MORC4: variants seen among roughly 807,000 people sequenced by gnomAD.
The protein encoded by MORC4 is MORC family CW-type zinc finger protein 4.
In MORC4, 22 loss-of-function variants were observed where a neutral mutation model predicts 65.5. That is an observed-to-expected ratio of 0.34 (90% CI 0.24 to 0.48). The LOEUF (loss-of-function observed/expected upper bound fraction) is 0.48. Among genes scored for constraint, MORC4 ranks in the 20% least tolerant of loss-of-function variants. MORC4 has a pLI of 0.99. For missense variants in MORC4, 624 were observed against 703.0 expected (o/e 0.89, Z 1.27); for synonymous variants, 267 against 255.8 (o/e 1.04, Z -0.42).
chrX:106,945,414 TTGTGTGTG>T lies in MORC4; in HGVS notation c.1686-2217_1686-2210del, dbSNP rs35077497. 7.0e-3 allele frequency among the ~76,000 whole-genome samples: 580 copies of T among 83,248 alleles called. 3 individuals are homozygous for T. The highest frequency in any genetic ancestry group is 0.019 in the African/African-American group (428 of 23,091). 72.3% of individuals were successfully genotyped at this position (83,248 alleles called of 115,157 possible). A position where few individuals can be genotyped will look rare whatever the true frequency, so the allele number is the denominator to read the frequency against. ...TTATTAAAATGCATCACTTACTACT[TTGTGTGTG>T]TGTGTGTGTGTGTGTGTGTGTGTGT... On this transcript the variant is annotated intron_variant, in intron 14 of 16. Transcript: ENST00000355610.
intron 14 of MORC4, among the ~76,000 whole-genome samples, chrX:106,950,113 T>C (rs776600782): frequency 1.9e-4 from 21 of 112,081 alleles, no homozygotes; most frequent in African/African-American, 6.8e-4. Flanking sequence ...TCTGATTGCT[T>C]CTGAGTGGGT....
chrX:106,956,546 T>A lies in MORC4; in HGVS notation c.1455-12A>T. The A allele has an allele frequency of 8.5e-7, 1 of 1,179,523 alleles. No homozygotes were observed. Among genetic ancestry groups the A allele is most frequent in the Non-Finnish European group, 1.2e-6 (1 of 866,362 alleles). On this transcript the variant is annotated splice_polypyrimidine_tract_variant and intron_variant, in intron 12 of 16. Coordinates refer to ENST00000355610, the MANE Select transcript of MORC4 (RefSeq NM_024657.5). ...CAACAGTTTGTTCTCTAGGAGAAGA[T>A]AAAAGTGCTATTTAGTTCACTCATG...
At chrX:106,947,607 A>T (rs1299724567) in intron 14 of MORC4, among the ~76,000 whole-genome samples, 19 of 94,619 alleles carry the variant, frequency 2.0e-4, no homozygotes, top group South Asian at 9.9e-4. Context: ...TATATATATA[A>T]AACACACTTT....
intron 9 of MORC4, among the ~76,000 whole-genome samples, chrX:106,973,364 TA>T (rs1172209967): frequency 9.0e-6 from 1 of 111,611 alleles, no homozygotes; most frequent in Non-Finnish European, 1.9e-5. Flanking sequence ...ATACTCAGAG[TA>T]TTGCCCTTAT....
chrX:106,959,103 A>G (rs1387958056), intron 10 of MORC4, among the ~76,000 whole-genome samples: 3 of 112,273 alleles, frequency 2.7e-5, no homozygotes, highest in Non-Finnish European at 5.6e-5. Flanking sequence ...TTAAAAAGTA[A>G]TATAAATTTG....
chrX:106,988,445 A>G (rs1303475584), intron 3 of MORC4, among the ~76,000 whole-genome samples: 1 of 111,801 alleles, frequency 8.9e-6, no homozygotes, highest in Non-Finnish European at 1.9e-5. Context: ...ATGGAAAAGG[A>G]TAAGAATAAC....
At chrX:106,967,228 T>C (rs1934397998) in intron 9 of MORC4, among the ~76,000 whole-genome samples, 1 of 111,383 alleles carries the variant, frequency 9.0e-6, no homozygotes, top group Non-Finnish European at 1.9e-5. Context: ...GCCTGTCTGT[T>C]AGAAGGAAAA....
At chrX:106,984,839 A>C (rs955038906) in intron 5 of MORC4, among the ~76,000 whole-genome samples, 4 of 108,826 alleles carry the variant, frequency 3.7e-5, no homozygotes, top group African/African-American at 1.3e-4. Flanking sequence ...ATTAAAATTT[A>C]TCTACTTTGC....
At chrX:106,991,388 G>T (rs1334787588) in intron 3 of MORC4, among the ~76,000 whole-genome samples, 1 of 112,386 alleles carries the variant, frequency 8.9e-6, no homozygotes, top group Admixed American at 9.4e-5. Context: ...TTGCACACAG[G>T]TGCTCAATAA....
At position 106,941,360 on chromosome X, in the gene MORC4, A is replaced by G. The variant is rs927618926; in HGVS notation, c.*119T>C. 1 of 479,608 alleles carries G rather than the reference A, an allele frequency of 2.1e-6. No individual in the cohort carries two copies. Among genetic ancestry groups the G allele is most frequent in the African/African-American group, 3.5e-5 (1 of 28,717 alleles). The allele number at this position is 479,608 out of a possible 1,213,427, so 39.5% of individuals were successfully genotyped here. A position where few individuals can be genotyped will look rare whatever the true frequency, so the allele number is the denominator to read the frequency against. ...CACAGAGATTCTCTATATAAGGCAT[A>G]AAGGTGAGGGTGAGAGAGAGAGAGA... On this transcript the variant is annotated 3_prime_UTR_variant, in exon 17 of 17. Coordinates refer to ENST00000355610, the MANE Select transcript of MORC4 (RefSeq NM_024657.5).
At chrX:106,988,215 G>A (rs1282827693) in intron 3 of MORC4, among the ~76,000 whole-genome samples, 1 of 111,536 alleles carries the variant, frequency 9.0e-6, no homozygotes, top group Non-Finnish European at 1.9e-5. Context: ...ATCGTTAACC[G>A]GACTTCAACT....
intron 13 of MORC4, among the ~76,000 whole-genome samples, chrX:106,955,518 T>TAC (rs10610713): frequency 0.18 from 19,106 of 103,717 alleles, 1,697 homozygotes; most frequent in Middle Eastern, 0.39. Context: ...ATATTCATAG[T>TAC]ACACACACAC....
At chrX:106,967,207 G>A (rs1448946395) in intron 9 of MORC4, among the ~76,000 whole-genome samples, 2 of 111,599 alleles carry the variant, frequency 1.8e-5, no homozygotes, top group African/African-American at 6.5e-5. Flanking sequence ...CAACAGACCT[G>A]CAGCTGAGGG....
Position 106,954,957 on chromosome X carries a change from A to G in MORC4, c.1641T>C (p.Ser547=). 1 of 1,210,381 alleles carries G rather than the reference A, an allele frequency of 8.3e-7. No individual in the cohort carries two copies. The highest frequency in any genetic ancestry group is 1.1e-6 in the Non-Finnish European group (1 of 894,997). ...TGGAATCCAGAGGCTTAAGTTGAAG[A>G]GATGGTGATCTGCTTTCTTCTCCAC... ...PSGGEESRSP[S]LQLKPLDSSV... is the part of the protein sequence containing the mutation. Residue 547 remains serine, a synonymous_variant, in exon 14 of 17, where the codon TCT becomes TCC. Coordinates refer to ENST00000355610, the MANE Select transcript of MORC4 (RefSeq NM_024657.5).
chrX:106,991,408 GAATGAATA>G (rs1306719183), intron 3 of MORC4, among the ~76,000 whole-genome samples: 1 of 112,398 alleles, frequency 8.9e-6, no homozygotes, highest in Non-Finnish European at 1.9e-5. Flanking sequence ...AAAATTTGTT[GAATGAATA>G]AATGAATGAA....
chrX:106,961,918 G>T, intron 10 of MORC4, 94 bp downstream of exon 10: 1 of 736,765 alleles, frequency 1.4e-6, no homozygotes, highest in Non-Finnish European at 2.0e-6. Flanking sequence ...GAACCCACCA[G>T]CAGGAACCAA....
intron 9 of MORC4, among the ~76,000 whole-genome samples, chrX:106,972,511 T>C (rs1934541585): frequency 9.0e-6 from 1 of 111,455 alleles, no homozygotes; most frequent in Non-Finnish European, 1.9e-5. Context: ...TCCATAGCCA[T>C]CTCAGCTGGA....
chrX:106,975,813 T>C (rs1053439379), intron 9 of MORC4, among the ~76,000 whole-genome samples: 1 of 111,095 alleles, frequency 9.0e-6, no homozygotes, highest in Non-Finnish European at 1.9e-5. Flanking sequence ...AAGCCTTCCC[T>C]GACTCCCTTA....
chrX:106,947,571 T>TAATATA (rs1555982139), intron 14 of MORC4, among the ~76,000 whole-genome samples: 1 of 77,956 alleles, frequency 1.3e-5, no homozygotes, highest in African/African-American at 5.2e-5. Flanking sequence ...TATATATATA[T>TAATATA]TATATATATA....
Sources: gnomAD v4.1 joint callset for allele counts (sites outside exome capture counted in the v4.1 genomes callset) on GRCh38, gnomAD v4.1.1 for gene constraint, MANE v1.5 for transcripts, NCBI Gene and HGNC (gene_info 2026-07-23, HGNC 2026-07-21) for gene names.